Variants in PITPNC1 observed in about 807,000 individuals in gnomAD.
The protein encoded by PITPNC1 is phosphatidylinositol transfer protein cytoplasmic 1.
A neutral mutation model predicts 44.7 loss-of-function variants in PITPNC1; 18 were observed. The ratio of observed to expected loss-of-function variants is 0.40; its 90% CI spans 0.28 to 0.60. PITPNC1 has a LOEUF of 0.60. Ranked by LOEUF, PITPNC1 falls within the 20% of genes least tolerant of loss-of-function variation. The pLI is 0.39. For missense variants in PITPNC1, 290 were observed against 418.4 expected (o/e 0.69, Z 2.68); for synonymous variants, 141 against 149.6 (o/e 0.94, Z 0.42).
chr17:67,499,879 C>T (rs754361723), intron 1 of PITPNC1, among the ~76,000 whole-genome samples: 5 of 152,246 alleles, frequency 3.3e-5, no homozygotes, highest in Non-Finnish European at 7.3e-5. Context: ...TCATTTCACA[C>T]ATTTCTCAGA....
intron 1 of PITPNC1, among the ~76,000 whole-genome samples, chr17:67,436,913 T>G (rs1030717716): frequency 5.8e-4 from 69 of 119,536 alleles, no homozygotes; most frequent in African/African-American, 1.5e-3. Context: ...GGGGTGTTTT[T>G]TTTTTTTTTT....
In PITPNC1 at chr17:67,631,673, A is replaced by ATATATATATATATATATAT. The variant is rs1380540532; in HGVS notation, c.367-470_367-469insTATATATATATATATATAT. 3.0e-3 allele frequency among the ~76,000 whole-genome samples: 156 copies of ATATATATATATATATATAT among 52,312 alleles called. 2 individuals carry two copies. The highest frequency in any genetic ancestry group is 9.8e-3 in the Middle Eastern group (1 of 102). 34.3% of individuals were successfully genotyped at this position (52,312 alleles called of 152,430 possible). ...AAAAAAAAAAATATATATATATATA[A>ATATATATATATATATATAT]AATATATATTTTTAACATATATATA... On this transcript the variant is annotated intron_variant, in intron 5 of 8. Coordinates refer to ENST00000581322, the MANE Select transcript of PITPNC1 (RefSeq NM_012417.4).
chr17:67,404,177 T>A (rs1388194752), intron 1 of PITPNC1, among the ~76,000 whole-genome samples: 1 of 152,200 alleles, frequency 6.6e-6, no homozygotes, highest in Non-Finnish European at 1.5e-5. Context: ...TGTTCCTCAA[T>A]TATTTACTGG....
At chr17:67,430,121 G>A (rs73996716) in intron 1 of PITPNC1, among the ~76,000 whole-genome samples, 1,539 of 152,338 alleles carry the variant, frequency 0.01, 32 homozygotes, top group African/African-American at 0.032. Context: ...TTTATAAAGG[G>A]TTTAAGACAG....
In PITPNC1 at chr17:67,427,421, C is replaced by T. The variant is rs369424122; in HGVS notation, c.48+49219C>T. 9.9e-5 allele frequency among the ~76,000 whole-genome samples: 15 copies of T among 152,156 alleles called. No homozygotes were observed. The East Asian group carries it at 2.1e-3, about 22-fold the overall frequency. Reference sequence around the variant, plus strand: ...TAGAGATGGGGTTTCACTGTGTTAGCCAGGATGGTCTTGATCTCCTGACCT... The same window carrying T: ...TAGAGATGGGGTTTCACTGTGTTAGTCAGGATGGTCTTGATCTCCTGACCT... On this transcript the variant is annotated intron_variant, in intron 1 of 8. Transcript: ENST00000581322.
chr17:67,417,897 A>G lies in PITPNC1; in HGVS notation c.48+39695A>G, dbSNP rs181199290. ...GTCTCTACAAAAAATAAAAAAAATT[A>G]GCTGGGAGTGGTGGCACACATCTGT... On this transcript the variant is annotated intron_variant, in intron 1 of 8. Transcript: ENST00000581322. Among the ~76,000 whole-genome samples the G allele has an allele frequency of 3.0e-3, 453 of 151,972 alleles. 3 individuals are homozygous for G. Among genetic ancestry groups the G allele is most frequent in the African/African-American group, 0.011 (437 of 41,424 alleles).
At chr17:67,672,932 G>C (rs958501591) in intron 7 of PITPNC1, among the ~76,000 whole-genome samples, 1 of 152,020 alleles carries the variant, frequency 6.6e-6, no homozygotes, top group African/African-American at 2.4e-5. Context: ...GTTCGAAAGC[G>C]AGCCATGAGC....
chr17:67,602,713 A>G (rs1027095555), intron 5 of PITPNC1, among the ~76,000 whole-genome samples: 1 of 152,116 alleles, frequency 6.6e-6, no homozygotes, highest in African/African-American at 2.4e-5. Context: ...CACTCATTCT[A>G]CAAGTGACCA....
In PITPNC1 at chr17:67,645,156, C is replaced by A. The variant is rs550454924; in HGVS notation, c.462+12918C>A. Among the ~76,000 whole-genome samples the A allele has an allele frequency of 1.9e-4, 29 of 152,138 alleles. No homozygotes were observed. In the South Asian group the frequency reaches 5.6e-3, roughly 29 times the overall value. ...GGGAGTTTGAGACCAGCCTGACCAA[C>A]ACGGAGAAACCGCATCTCTACTAAA... On this transcript the variant is annotated intron_variant, in intron 6 of 8. Transcript: ENST00000581322.
intron 1 of PITPNC1, among the ~76,000 whole-genome samples, chr17:67,429,743 C>A (rs549711962): frequency 4.1e-4 from 62 of 151,226 alleles, no homozygotes; most frequent in Non-Finnish European, 7.5e-4. Context: ...CACCATTATT[C>A]TTTTATTCAT....
chr17:67,536,360 A>T (rs766817885), intron 2 of PITPNC1, among the ~76,000 whole-genome samples: 2 of 152,108 alleles, frequency 1.3e-5, no homozygotes, highest in Non-Finnish European at 2.9e-5. Flanking sequence ...AGTAGCTGGG[A>T]CTACAAGTGT....
rs185133462 is a variant in PITPNC1, at chr17:67,683,085, G to A, written c.682+7543G>A. On this transcript the variant is annotated intron_variant, in intron 8 of 8. Coordinates refer to ENST00000581322, the MANE Select transcript of PITPNC1 (RefSeq NM_012417.4). ...TAAGGCAGGAGAATCGCTTGAACCCGGAAGGCCGAGTTTGTGGTAAGCCAA... is the reference window on the plus strand; with the variant it reads ...TAAGGCAGGAGAATCGCTTGAACCCAGAAGGCCGAGTTTGTGGTAAGCCAA... Among the ~76,000 whole-genome samples the A allele has an allele frequency of 3.0e-4, 45 of 149,500 alleles. No individual in the cohort carries two copies. The East Asian group carries it at 8.0e-3, about 26-fold the overall frequency.
intron 1 of PITPNC1, among the ~76,000 whole-genome samples, chr17:67,529,067 AC>A (rs1422242761): frequency 6.6e-6 from 1 of 151,416 alleles, no homozygotes; most frequent in East Asian, 1.9e-4. Context: ...TCTGCAGGTC[AC>A]CCCCACACTG....
chr17:67,510,892 G>T (rs1483359467), intron 1 of PITPNC1, among the ~76,000 whole-genome samples: 1 of 151,896 alleles, frequency 6.6e-6, no homozygotes, highest in Non-Finnish European at 1.5e-5. Flanking sequence ...TCAGCATTAG[G>T]CCCCCTTTTC....
At chr17:67,387,145 C>T (rs2038066851) in intron 1 of PITPNC1, among the ~76,000 whole-genome samples, 1 of 152,220 alleles carries the variant, frequency 6.6e-6, no homozygotes, top group Non-Finnish European at 1.5e-5. Flanking sequence ...CGCAGGGCTG[C>T]ACACCGCCAG....
At chr17:67,606,978 A>C (rs560228182) in intron 5 of PITPNC1, among the ~76,000 whole-genome samples, 2 of 152,238 alleles carry the variant, frequency 1.3e-5, no homozygotes, top group South Asian at 4.1e-4. Context: ...TAACCCTTCC[A>C]ACCTGCTCCG....
intron 5 of PITPNC1, among the ~76,000 whole-genome samples, chr17:67,605,525 C>T (rs906399136): frequency 2.4e-4 from 36 of 152,224 alleles, no homozygotes; most frequent in African/African-American, 8.2e-4. Context: ...CCGACCTTTC[C>T]TTAATGAAGA....
intron 5 of PITPNC1, among the ~76,000 whole-genome samples, chr17:67,631,671 T>TATATATATATATATATATAA (rs1272988970): frequency 1.4e-5 from 1 of 69,666 alleles, no homozygotes; most frequent in East Asian, 3.4e-4. Flanking sequence ...TATATATATA[T>TATATATATATATATATATAA]AAAATATATA....
chr17:67,605,662 A>G (rs1334484120), intron 5 of PITPNC1, among the ~76,000 whole-genome samples: 2 of 152,222 alleles, frequency 1.3e-5, no homozygotes, highest in Non-Finnish European at 2.9e-5. Flanking sequence ...GGGAATCATA[A>G]TGGACAATAA....
Sources: allele counts gnomAD v4.1 joint callset (sites outside exome capture counted in the v4.1 genomes callset), GRCh38; gene constraint gnomAD v4.1.1; transcripts MANE v1.5; gene names NCBI Gene and HGNC (gene_info 2026-07-23, HGNC 2026-07-21).